FRMD5: variants seen among roughly 807,000 people sequenced by gnomAD.
The protein encoded by FRMD5 is FERM domain-containing protein 5.
FRMD5 carries 20 observed loss-of-function variants against 69.0 expected under a neutral mutation model. The ratio of observed to expected loss-of-function variants is 0.29; its 90% CI spans 0.20 to 0.42. The LOEUF (loss-of-function observed/expected upper bound fraction) is 0.42, where lower values mean the gene tolerates loss of function less well. Ranked by LOEUF, FRMD5 falls within the 10% of genes least tolerant of loss-of-function variation. The pLI, the probability that FRMD5 is intolerant of heterozygous loss-of-function variation, is 1.00. For synonymous variants in FRMD5, 271 were observed against 260.1 expected, an observed-to-expected ratio of 1.04 and a Z score of -0.40; for missense variants, 595 against 708.6, an observed-to-expected ratio of 0.84 and a Z score of 1.82.
At chr15:43,941,130 A>G (rs1411604609) in intron 1 of FRMD5, among the ~76,000 whole-genome samples, 1 of 152,200 alleles carries the variant, frequency 6.6e-6, no homozygotes, top group Non-Finnish European at 1.5e-5. Flanking sequence ...GCACTTTGGG[A>G]GGCCAAGAAG....
chr15:44,175,839 C>T (rs961113785), intron 1 of FRMD5, among the ~76,000 whole-genome samples: 2 of 152,076 alleles, frequency 1.3e-5, no homozygotes, highest in Non-Finnish European at 2.9e-5. Context: ...AAGCATTATG[C>T]TTACACTGAA....
rs34063043 is a variant in FRMD5 at position 43,875,804 on chromosome 15, G to GTTTTTT, written c.1136-1348_1136-1343dup. ...TCTTGCCTTTGGTGTCCTGGGCCTA[G>GTTTTTT]TTTTTTTTTTTTTTTTTTTTTTTCT... On this transcript the variant is annotated intron_variant, in intron 13 of 13. Transcript: ENST00000417257. 571 of 210,574 alleles carry GTTTTTT rather than the reference G, an allele frequency of 2.7e-3. 51 individuals are homozygous for GTTTTTT. The highest frequency in any genetic ancestry group is 5.3e-3 in the African/African-American group (111 of 20,952). 13.0% of individuals were successfully genotyped at this position (210,574 alleles called of 1,614,324 possible).
At position 44,052,024 on chromosome 15, in the gene FRMD5, T is replaced by A. The variant is rs965363090; in HGVS notation, c.103-127715A>T. 5.3e-5 allele frequency among the ~76,000 whole-genome samples: 8 copies of A among 152,238 alleles called. 1 individual carries two copies. The South Asian group carries it at 1.7e-3, about 32-fold the overall frequency. ...ATGTGCTCTATTCTTTGGAAGTAAG[T>A]CACTATGTACAGCCCATACTAAAGG... On this transcript the variant is annotated intron_variant, in intron 1 of 13. Coordinates refer to ENST00000417257, the MANE Select transcript of FRMD5 (RefSeq NM_032892.5).
intron 1 of FRMD5, among the ~76,000 whole-genome samples, chr15:44,051,542 C>T (rs1025549041): frequency 6.6e-6 from 1 of 152,062 alleles, no homozygotes; most frequent in East Asian, 1.9e-4. Context: ...ACATTTGTCA[C>T]AATAACCAAT....
chr15:44,060,509 C>A (rs1893047898), intron 1 of FRMD5, among the ~76,000 whole-genome samples: 1 of 152,164 alleles, frequency 6.6e-6, no homozygotes, highest in African/African-American at 2.4e-5. Context: ...GTAAGATAAA[C>A]ATTCTCTGTT....
At chr15:44,082,870 C>T (rs1292868708) in intron 1 of FRMD5, among the ~76,000 whole-genome samples, 1 of 151,974 alleles carries the variant, frequency 6.6e-6, no homozygotes, top group Non-Finnish European at 1.5e-5. Context: ...TTATGATAAG[C>T]ACTTTGCAGG....
intron 1 of FRMD5, among the ~76,000 whole-genome samples, chr15:44,083,181 G>A (rs1464768657): frequency 6.6e-6 from 1 of 151,904 alleles, no homozygotes; most frequent in Non-Finnish European, 1.5e-5. Context: ...TTTAGAAAGT[G>A]AAAAGAGAAC....
chr15:43,989,906 C>T (rs748299002), intron 1 of FRMD5: 244 of 1,156,312 alleles, frequency 2.1e-4, no homozygotes, highest in Non-Finnish European at 2.8e-4. Flanking sequence ...ACACACAGCT[C>T]GTTGTAGAAG....
At position 44,051,139 on chromosome 15, in the gene FRMD5, C is replaced by CTTT. The variant is rs779951038; in HGVS notation, c.103-126833_103-126831dup. Among the ~76,000 whole-genome samples, 102 of 78,398 alleles carry CTTT rather than the reference C, an allele frequency of 1.3e-3. 24 individuals carry two copies. Among genetic ancestry groups the CTTT allele is most frequent in the African/African-American group, 4.6e-3 (86 of 18,664 alleles). The allele number at this position is 78,398 out of a possible 152,430, so 51.4% of individuals were successfully genotyped here. ...CCTAATTACTGTATACATTCAGTCA[C>CTTT]TTTTTTTTTTTTTTTTTTTTTTTTT... is the stretch of plus-strand genomic sequence containing the variant. On this transcript the variant is annotated intron_variant, in intron 1 of 13. Coordinates refer to ENST00000417257, the MANE Select transcript of FRMD5 (RefSeq NM_032892.5).
intron 1 of FRMD5, among the ~76,000 whole-genome samples, chr15:44,106,959 T>C (rs1006642889): frequency 6.6e-6 from 1 of 152,202 alleles, no homozygotes; most frequent in African/African-American, 2.4e-5. Context: ...CCATTTTAGA[T>C]GTTTAAACTG....
At chr15:44,022,616 G>A (rs111400729) in intron 1 of FRMD5, among the ~76,000 whole-genome samples, 67 of 149,082 alleles carry the variant, frequency 4.5e-4, no homozygotes, top group Non-Finnish European at 7.7e-4. Flanking sequence ...AAGAGGGCAG[G>A]TAATCATGAA....
chr15:44,138,369 A>G (rs1352771607), intron 1 of FRMD5, among the ~76,000 whole-genome samples: 1 of 152,220 alleles, frequency 6.6e-6, no homozygotes, highest in Non-Finnish European at 1.5e-5. Context: ...ACACCTAGAC[A>G]TATTATAGTG....
At chr15:44,160,439 G>A (rs1440120205) in intron 1 of FRMD5, among the ~76,000 whole-genome samples, 1 of 152,208 alleles carries the variant, frequency 6.6e-6, no homozygotes, top group Non-Finnish European at 1.5e-5. Context: ...CGGATAAGTT[G>A]TAATCATTTT....
intron 1 of FRMD5, among the ~76,000 whole-genome samples, chr15:44,134,267 G>C (rs2077149332): frequency 6.6e-6 from 1 of 151,978 alleles, no homozygotes; most frequent in Non-Finnish European, 1.5e-5. Flanking sequence ...GCATCACCAC[G>C]TCCAGCTTTA....
At chr15:43,923,152 A>G (rs565634522) in intron 2 of FRMD5, among the ~76,000 whole-genome samples, 3 of 152,328 alleles carry the variant, frequency 2.0e-5, no homozygotes, top group South Asian at 2.1e-4. Context: ...AAGAAATACA[A>G]CACTATAAGC....
chr15:44,002,814 T>C (rs181277630), intron 1 of FRMD5, among the ~76,000 whole-genome samples: 1 of 152,334 alleles, frequency 6.6e-6, no homozygotes, highest in East Asian at 1.9e-4. Flanking sequence ...TTTTTACTTC[T>C]TCTTTCTCTG....
chr15:43,883,919 T>A lies in FRMD5; in HGVS notation c.1029-110A>T. Reference sequence around the variant, plus strand: ...ATTGCCTGGCTATATTAAGTCTTGGTCTCTCTCTTTTTTAAAATCTTTAAT... The same window carrying A: ...ATTGCCTGGCTATATTAAGTCTTGGACTCTCTCTTTTTTAAAATCTTTAAT... On this transcript the variant is annotated intron_variant, in intron 12 of 13. Coordinates refer to ENST00000417257, the MANE Select transcript of FRMD5 (RefSeq NM_032892.5). 5.2e-6 allele frequency: 4 copies of A among 770,588 alleles called. No homozygotes were observed. The South Asian group carries it at 5.8e-5, about 11-fold the overall frequency. The allele number at this position is 770,588 out of a possible 1,614,324, so 47.7% of individuals were successfully genotyped here. A position where few individuals can be genotyped will look rare whatever the true frequency, so the allele number is the denominator to read the frequency against.
chr15:43,954,966 G>A (rs2090091629), intron 1 of FRMD5, among the ~76,000 whole-genome samples: 3 of 152,270 alleles, frequency 2.0e-5, no homozygotes, highest in Admixed American at 2.0e-4. Context: ...AAGGGAGTAT[G>A]CCTCCTGTTC....
Position 44,039,620 on chromosome 15 carries a change from T to C in FRMD5, c.103-115311A>G, listed in dbSNP as rs888450473. On this transcript the variant is annotated intron_variant, in intron 1 of 13. Transcript: ENST00000417257. ...AGGAGAACTAACAGACAGAAAGGAATAGTAGCAACATCAACAAAAAGGATG... is the reference window on the plus strand; with the variant it reads ...AGGAGAACTAACAGACAGAAAGGAACAGTAGCAACATCAACAAAAAGGATG... Among the ~76,000 whole-genome samples the C allele has an allele frequency of 2.3e-4, 35 of 152,030 alleles. 1 individual carries two copies. Among genetic ancestry groups the C allele is most frequent in the Admixed American group, 1.4e-3 (22 of 15,270 alleles).
Sources: gnomAD v4.1 joint callset for allele counts (sites outside exome capture counted in the v4.1 genomes callset) on GRCh38, gnomAD v4.1.1 for gene constraint, MANE v1.5 for transcripts, NCBI Gene and HGNC (gene_info 2026-07-23, HGNC 2026-07-21) for gene names.